CRLS1: variants seen among roughly 807,000 people sequenced by gnomAD.
The protein encoded by CRLS1 is cardiolipin synthase 1, also known as cardiolipin synthase (CMP-forming).
A neutral mutation model predicts 37.0 loss-of-function variants in CRLS1; 24 were observed. That is an observed-to-expected ratio of 0.65 (90% confidence interval 0.47 to 0.91). The LOEUF (loss-of-function observed/expected upper bound fraction) is 0.91. Among genes scored for constraint, CRLS1 ranks in the 40% least tolerant of loss-of-function variants. The pLI is 0.00. For synonymous variants in CRLS1, 135 were observed against 159.7 expected (o/e 0.85, Z 1.17); for missense variants, 373 against 395.8 (o/e 0.94, Z 0.49).
At chr20:6,006,601 G>A (rs1157186446) in intron 1 of CRLS1, 49 bp downstream of exon 1, 17 of 1,243,500 alleles carry the variant, frequency 1.4e-5, no homozygotes, top group South Asian at 6.7e-5. Context: ...TGGGGTCGCC[G>A]CCCCTGCACT....
intron 1 of CRLS1, chr20:6,007,330 T>C (rs2090071857): frequency 6.2e-7 from 1 of 1,604,686 alleles, no homozygotes; most frequent in African/African-American, 1.3e-5. Flanking sequence ...TGTTGGGGTT[T>C]GAATGCTGGA....
intron 6 of CRLS1, among the ~76,000 whole-genome samples, 185 bp downstream of exon 6, chr20:6,034,740 CATA>C (rs1304996305): frequency 6.6e-6 from 1 of 152,146 alleles, no homozygotes; most frequent in East Asian, 1.9e-4. Flanking sequence ...AGTTAGCTTT[CATA>C]CAAATTAAAA....
intron 3 of CRLS1, among the ~76,000 whole-genome samples, chr20:6,027,706 C>T (rs546263535): frequency 1.6e-4 from 24 of 152,270 alleles, no homozygotes; most frequent in Admixed American, 7.8e-4. Flanking sequence ...TGAGCCACCC[C>T]GCCCAGCCTG....
intron 2 of CRLS1, among the ~76,000 whole-genome samples, 168 bp downstream of exon 2, chr20:6,010,080 T>TG (rs59996436): frequency 0.63 from 91,760 of 144,896 alleles, 28,483 homozygotes; most frequent in Middle Eastern, 0.79. Context: ...ATATGGGATT[T>TG]TTTTTTTTTT....
chr20:6,018,767 A>G (rs929105944), intron 3 of CRLS1, among the ~76,000 whole-genome samples: 1 of 152,128 alleles, frequency 6.6e-6, no homozygotes, highest in Non-Finnish European at 1.5e-5. Flanking sequence ...ATTAAATTTT[A>G]TCAAACTCCT....
At chr20:6,031,226 T>C in intron 3 of CRLS1, 59 bp from the exon 4 acceptor site, 2 of 1,071,066 alleles carry the variant, frequency 1.9e-6, no homozygotes, top group Non-Finnish European at 2.7e-6. Context: ...ATTGTATTCA[T>C]AATGCATATT....
intron 3 of CRLS1, among the ~76,000 whole-genome samples, chr20:6,025,958 G>A (rs1278157427): frequency 3.9e-5 from 6 of 152,184 alleles, no homozygotes; most frequent in East Asian, 1.9e-4. Flanking sequence ...TGAAGATGTC[G>A]TGAACACTAT....
chr20:6,012,243 C>T (rs1978379832), intron 2 of CRLS1, among the ~76,000 whole-genome samples: 1 of 152,102 alleles, frequency 6.6e-6, no homozygotes, highest in African/African-American at 2.4e-5. Context: ...CAGGGAACGA[C>T]AAAGTCTGAT....
intron 6 of CRLS1, 101 bp downstream of exon 6, chr20:6,034,656 C>T (rs567026622): frequency 1.1e-5 from 9 of 799,946 alleles, no homozygotes; most frequent in Admixed American, 2.4e-5. Flanking sequence ...TGAGCACTGA[C>T]TGGGTAAAGC....
At chr20:6,016,532 G>C (rs1978766743) in intron 3 of CRLS1, among the ~76,000 whole-genome samples, 1 of 151,772 alleles carries the variant, frequency 6.6e-6, no homozygotes, top group South Asian at 2.1e-4. Context: ...CTCCCACCTC[G>C]GCCTCCCAAA....
chr20:6,027,786 A>T (rs1979838448), intron 3 of CRLS1, among the ~76,000 whole-genome samples: 1 of 152,150 alleles, frequency 6.6e-6, no homozygotes, highest in African/African-American at 2.4e-5. Context: ...CCCCCCAATC[A>T]TTAAAAAATG....
In CRLS1 at chr20:6,016,518, G is replaced by A. The variant is rs145859324; in HGVS notation, c.574+1028G>A. On this transcript the variant is annotated intron_variant, in intron 3 of 6. Coordinates refer to ENST00000378863, the MANE Select transcript of CRLS1 (RefSeq NM_019095.6). Reference sequence around the variant, plus strand: ...TGGTCTCGAACTTCTGGGATCAAGTGATCCTCCCACCTCGGCCTCCCAAAG... The same window carrying A: ...TGGTCTCGAACTTCTGGGATCAAGTAATCCTCCCACCTCGGCCTCCCAAAG... Among the ~76,000 whole-genome samples, 600 of 152,122 alleles carry A rather than the reference G, an allele frequency of 3.9e-3. 6 individuals are homozygous for A. The highest frequency in any genetic ancestry group is 0.014 in the African/African-American group (587 of 41,502).
chr20:6,005,949 G>A (rs557324016), upstream of CRLS1: 2 of 252,840 alleles, frequency 7.9e-6, no homozygotes, highest in East Asian at 1.5e-4. Context: ...GGAGAAGAGA[G>A]CGCCGCGTAC....
intron 3 of CRLS1, among the ~76,000 whole-genome samples, chr20:6,019,540 TG>T (rs1979053950): frequency 1.4e-5 from 2 of 147,068 alleles, no homozygotes; most frequent in African/African-American, 5.1e-5. Flanking sequence ...TCATCTTTTT[TG>T]CCAGAGGTTT....
chr20:6,006,395 G>T lies in CRLS1; in HGVS notation c.149G>T (p.Arg50Met), dbSNP rs919782965. The T allele has an allele frequency of 2.1e-6, 3 of 1,406,552 alleles. No individual in the cohort carries two copies. The highest frequency in any genetic ancestry group is 2.8e-6 in the Non-Finnish European group (3 of 1,078,576). The allele number at this position is 1,406,552 out of a possible 1,614,324, so 87.1% of individuals were successfully genotyped here. A position where few individuals can be genotyped will look rare whatever the true frequency, so the allele number is the denominator to read the frequency against. The change falls in exon 1 of 7, where the codon AGG (arginine) becomes ATG (methionine). Residue 50 changes from arginine to methionine, a missense_variant. By Grantham distance (91) the Arg-to-Met change is moderately conservative. Coordinates refer to ENST00000378863, the MANE Select transcript of CRLS1 (RefSeq NM_019095.6). ...CCLGCLAERW[R>M]LRPAALGLRL... ...TTGGGCTGCCTGGCCGAACGCTGGA[G>T]GCTGCGTCCGGCCGCTCTTGGCTTG...
intron 2 of CRLS1, among the ~76,000 whole-genome samples, chr20:6,010,327 A>T (rs2122914896): frequency 6.6e-6 from 1 of 152,318 alleles, no homozygotes; most frequent in African/African-American, 2.4e-5. Flanking sequence ...GGAGAGGGAA[A>T]CTGGACCAGT....
chr20:6,014,854 G>C (rs139968625), intron 2 of CRLS1, among the ~76,000 whole-genome samples: 1 of 152,246 alleles, frequency 6.6e-6, no homozygotes, highest in Admixed American at 6.5e-5. Context: ...AGGTAGAGAG[G>C]ATTGAGTTTT....
chr20:6,029,461 A>G (rs1979979985), intron 3 of CRLS1, among the ~76,000 whole-genome samples: 1 of 151,482 alleles, frequency 6.6e-6, no homozygotes, highest in African/African-American at 2.4e-5. Flanking sequence ...GCCTCCTGGC[A>G]AGCGATTCTC....
Position 6,015,358 on chromosome 20 carries a change from C to T in CRLS1, c.445-3C>T. 1 of 1,562,580 alleles carries T rather than the reference C, an allele frequency of 6.4e-7. No homozygotes were observed. Among genetic ancestry groups the T allele is most frequent in the Non-Finnish European group, 8.7e-7 (1 of 1,152,656 alleles). On this transcript the variant is annotated splice_polypyrimidine_tract_variant and splice_region_variant and intron_variant, in intron 2 of 6. Transcript: ENST00000378863. The stretch of plus-strand genomic sequence containing the variant: ...ATATATAAAAAAAAACTTCTATTTT[C>T]AGTTGGATGGATTTATTGCTCGAAA...
Sources: gnomAD v4.1 joint callset for allele counts (sites outside exome capture counted in the v4.1 genomes callset) on GRCh38, gnomAD v4.1.1 for gene constraint, MANE v1.5 for transcripts, NCBI Gene and HGNC (gene_info 2026-07-23, HGNC 2026-07-21) for gene names.